Variants in MRTFB observed in about 807,000 individuals in gnomAD.
The protein encoded by MRTFB is myocardin related transcription factor B.
A neutral mutation model predicts 104.2 loss-of-function variants in MRTFB; 29 were observed. The observed-to-expected ratio is 0.28, with a 90% confidence interval of 0.21 to 0.38. The LOEUF (loss-of-function observed/expected upper bound fraction) is 0.38. Ranked by LOEUF, MRTFB falls within the 10% of genes least tolerant of loss-of-function variation. MRTFB has a pLI of 1.00. For synonymous variants in MRTFB, 535 were observed against 519.5 expected, an observed-to-expected ratio of 1.03 and a Z score of -0.41; for missense variants, 1,270 against 1,341.6, an observed-to-expected ratio of 0.95 and a Z score of 0.83.
In MRTFB at chr16:14,261,223, G is replaced by T. The variant is rs2043765430; in HGVS notation, c.3079G>T (p.Asp1027Tyr). 3 of 1,614,006 alleles carry T rather than the reference G, an allele frequency of 1.9e-6. No individual in the cohort carries two copies. Among genetic ancestry groups the T allele is most frequent in the South Asian group, 1.1e-5 (1 of 91,074 alleles). The change falls in exon 17 of 17, where the codon GAC becomes TAC. Residue 1027 changes from aspartate to tyrosine, a missense_variant. By Grantham distance (160) the Asp-to-Tyr change is radical. Transcript: ENST00000571589. ...TCTGCTGAGTCACTCAGGTATGCTGGACCATTCACACTCACCCATGGAGAC... is the reference window on the plus strand; with the variant it reads ...TCTGCTGAGTCACTCAGGTATGCTGTACCATTCACACTCACCCATGGAGAC... ...NDLLSHSGML[D>Y]HSHSPMETSE...
At chr16:14,131,718 GA>G (rs2037448766) in intron 2 of MRTFB, among the ~76,000 whole-genome samples, 1 of 151,834 alleles carries the variant, frequency 6.6e-6, no homozygotes, top group South Asian at 2.1e-4. Context: ...AGTCATTAGG[GA>G]AATGCAAATC....
At chr16:14,237,130 G>T (rs964699736) in intron 9 of MRTFB, among the ~76,000 whole-genome samples, 6 of 152,316 alleles carry the variant, frequency 3.9e-5, no homozygotes, top group African/African-American at 1.4e-4. Context: ...CAGACCTTAG[G>T]AGAGAGGTCT....
At chr16:14,192,010 T>G (rs1187441876) in intron 3 of MRTFB, 1 of 152,122 alleles carries the variant, frequency 6.6e-6, no homozygotes, top group Non-Finnish European at 1.5e-5. Context: ...TTGGAATGTC[T>G]TCTTTGTTTT....
At chr16:14,117,345 G>A (rs72783482) in intron 2 of MRTFB, among the ~76,000 whole-genome samples, 12,584 of 152,220 alleles carry the variant, frequency 0.083, 895 homozygotes, top group East Asian at 0.29. Context: ...TGTCCAGAAG[G>A]CCCTTACACC....
At chr16:14,128,565 C>T (rs895165556) in intron 2 of MRTFB, among the ~76,000 whole-genome samples, 1 of 152,160 alleles carries the variant, frequency 6.6e-6, no homozygotes, top group African/African-American at 2.4e-5. Context: ...CAAAAGCAAG[C>T]GGGACAGGCA....
chr16:14,219,349 T>C (rs2041581107), intron 8 of MRTFB, among the ~76,000 whole-genome samples: 1 of 152,228 alleles, frequency 6.6e-6, no homozygotes, highest in African/African-American at 2.4e-5. Context: ...AAGAAATATT[T>C]TGGTAATTGC....
chr16:14,204,152 C>A (rs553815880), intron 3 of MRTFB, among the ~76,000 whole-genome samples: 10 of 151,668 alleles, frequency 6.6e-5, no homozygotes, highest in Non-Finnish European at 1.5e-4. Flanking sequence ...TTTTATTTTT[C>A]TTTGGTAGAG....
At chr16:13,996,214 G>T in the MRTFB span, among the ~76,000 whole-genome samples, 2 of 152,018 alleles carry the variant, frequency 1.3e-5, no homozygotes, top group African/African-American at 4.8e-5. Context: ...GGAGGTTGCA[G>T]TGAGCCAAGA....
chr16:14,231,703 A>G (rs186600160), intron 8 of MRTFB, among the ~76,000 whole-genome samples: 4 of 152,186 alleles, frequency 2.6e-5, no homozygotes, highest in African/African-American at 9.6e-5. Flanking sequence ...ATACTCTTTT[A>G]ATCCTTTTTG....
chr16:14,045,305 T>G, the MRTFB span, among the ~76,000 whole-genome samples: 1 of 152,164 alleles, frequency 6.6e-6, no homozygotes. Context: ...CTTTTGACTT[T>G]CTCCAAGCCC....
chr16:14,076,320 T>C (rs1401727533), intron 1 of MRTFB, among the ~76,000 whole-genome samples: 1 of 152,062 alleles, frequency 6.6e-6, no homozygotes, highest in Non-Finnish European at 1.5e-5. Context: ...GCCTCCCAAG[T>C]AGCTTGGGAC....
intron 9 of MRTFB, among the ~76,000 whole-genome samples, chr16:14,235,290 T>C (rs1354197525): frequency 6.6e-6 from 1 of 152,192 alleles, no homozygotes; most frequent in African/African-American, 2.4e-5. Context: ...CATCAGTGTG[T>C]TTCCCCATCT....
chr16:14,058,984 T>C, the MRTFB span, among the ~76,000 whole-genome samples: 1 of 152,120 alleles, frequency 6.6e-6, no homozygotes, highest in African/African-American at 2.4e-5. Flanking sequence ...CCTCCCAAAG[T>C]GCTGGGATTA....
intron 8 of MRTFB, among the ~76,000 whole-genome samples, chr16:14,229,766 A>G (rs2042174819): frequency 6.6e-6 from 1 of 152,082 alleles, no homozygotes. Context: ...TTTTGAATGC[A>G]TAAATATCCA....
intron 8 of MRTFB, among the ~76,000 whole-genome samples, chr16:14,231,146 G>C (rs1429456424): frequency 2.7e-5 from 4 of 149,184 alleles, no homozygotes; most frequent in African/African-American, 7.4e-5. Flanking sequence ...GGTAAGGGGA[G>C]GGGGGAGGGA....
intron 8 of MRTFB, among the ~76,000 whole-genome samples, chr16:14,225,303 C>T (rs1467140475): frequency 6.6e-6 from 1 of 152,126 alleles, no homozygotes; most frequent in Non-Finnish European, 1.5e-5. Context: ...TTAAAAATTA[C>T]AAATCTATGT....
chr16:14,134,729 C>T (rs2037620852), intron 2 of MRTFB, among the ~76,000 whole-genome samples: 1 of 152,218 alleles, frequency 6.6e-6, no homozygotes, highest in African/African-American at 2.4e-5. Context: ...CACTCCCCAA[C>T]ATCTCTCTCT....
intron 15 of MRTFB, among the ~76,000 whole-genome samples, chr16:14,253,042 GT>G (rs1036694006): frequency 1.3e-5 from 2 of 152,242 alleles, no homozygotes; most frequent in African/African-American, 4.8e-5. Flanking sequence ...GGTTCTCCTG[GT>G]TTCACCACAC....
chr16:14,077,641 A>G (rs972298873), intron 1 of MRTFB, among the ~76,000 whole-genome samples: 8 of 151,882 alleles, frequency 5.3e-5, no homozygotes, highest in African/African-American at 1.5e-4. Context: ...CTTAAAATCT[A>G]TTTGACTTCT....
Sources: gnomAD v4.1 joint callset for allele counts (sites outside exome capture counted in the v4.1 genomes callset) on GRCh38, gnomAD v4.1.1 for gene constraint, MANE v1.5 for transcripts, NCBI Gene and HGNC (gene_info 2026-07-23, HGNC 2026-07-21) for gene names.